The following ANKRD16 variants were observed in gnomAD, a reference collection of about 807,000 sequenced individuals.
ANKRD16 encodes ankyrin repeat domain 16, also known as ankyrin repeat domain-containing protein 16.
Under a neutral mutation model 37.9 loss-of-function variants are expected in ANKRD16, and 35 were observed. The ratio of observed to expected loss-of-function variants is 0.92; its 90% CI spans 0.71 to 1.23. ANKRD16 has a LOEUF of 1.23. Ranked by LOEUF, ANKRD16 falls within the 50% of genes most tolerant of loss-of-function variation. The pLI is 0.00. For synonymous variants in ANKRD16, 206 were observed against 197.2 expected (o/e 1.04, Z -0.37); for missense variants, 480 against 469.9 (o/e 1.02, Z -0.20).
At chr10:5,873,616 G>GACA (rs1366391624) in intron 7 of ANKRD16, among the ~76,000 whole-genome samples, 1 of 152,102 alleles carries the variant, frequency 6.6e-6, no homozygotes, top group Admixed American at 6.6e-5. Flanking sequence ...GATTAAAAGG[G>GACA]ACATTTTTCT....
At chr10:5,872,848 G>T (rs61832917) in intron 7 of ANKRD16, among the ~76,000 whole-genome samples, 3 of 148,096 alleles carry the variant, frequency 2.0e-5, no homozygotes, top group Non-Finnish European at 3.0e-5. Context: ...GAGCCACCGC[G>T]CCCGGCCCTG....
Position 5,889,115 on chromosome 10 carries a change from G to A in ANKRD16, c.240C>T (p.Ser80=), listed in dbSNP as rs745947104. ...DYKRPLHEAA[S]MGHRDCVRYL... ...AGCGCACGCAGTCTCGGTGGCCCAT[G>A]GAGGCCGCCTCGTGCAGAGGCCGCT... The change falls in exon 1 of 8, where the codon TCC becomes TCT. Residue 80 remains serine, a synonymous_variant. Coordinates refer to ENST00000380094, the MANE Select transcript of ANKRD16 (RefSeq NM_019046.3). The A allele has an allele frequency of 1.3e-6, 2 of 1,595,776 alleles. No individual in the cohort carries two copies. The highest frequency in any genetic ancestry group is 1.7e-6 in the Non-Finnish European group (2 of 1,177,840).
intron 5 of ANKRD16, 101 bp downstream of exon 5, chr10:5,882,905 C>T: frequency 7.7e-7 from 1 of 1,299,114 alleles, no homozygotes; most frequent in Non-Finnish European, 1.0e-6. Flanking sequence ...GCAATTTCTT[C>T]CATAGAGATG....
rs947786940 is a variant in ANKRD16, at chr10:5,889,616, A to G, written c.-262T>C. 34 of 214,242 alleles carry G rather than the reference A, an allele frequency of 1.6e-4. No individual in the cohort carries two copies. Among genetic ancestry groups the G allele is most frequent in the Non-Finnish European group, 2.7e-4 (30 of 109,868 alleles). 13.3% of individuals were successfully genotyped at this position (214,242 alleles called of 1,614,324 possible). A position where few individuals can be genotyped will look rare whatever the true frequency, so the allele number is the denominator to read the frequency against. ...CGTGGGAGAAGCCGCGGTTCCGGGCACGGGGCGGTTTTTCCTCAGGGACGG... is the reference window on the plus strand; with the variant it reads ...CGTGGGAGAAGCCGCGGTTCCGGGCGCGGGGCGGTTTTTCCTCAGGGACGG... On this transcript the variant is annotated 5_prime_UTR_variant, in exon 1 of 8. Coordinates refer to ENST00000380094, the MANE Select transcript of ANKRD16 (RefSeq NM_019046.3).
chr10:5,881,464 A>ATATATATATATATATATC (rs1842313635), intron 5 of ANKRD16, among the ~76,000 whole-genome samples: 1 of 131,690 alleles, frequency 7.6e-6, no homozygotes, highest in East Asian at 2.6e-4. Context: ...ATATATATAT[A>ATATATATATATATATATC]TATATATATA....
chr10:5,888,216 C>T, intron 1 of ANKRD16, 149 bp from the exon 2 acceptor site: 1 of 681,354 alleles, frequency 1.5e-6, no homozygotes. Flanking sequence ...CTTTGACCGG[C>T]AACCTCTGTG....
At chr10:5,873,668 A>C (rs911361800) in intron 7 of ANKRD16, among the ~76,000 whole-genome samples, 1 of 152,114 alleles carries the variant, frequency 6.6e-6, no homozygotes, top group Non-Finnish European at 1.5e-5. Flanking sequence ...GTCCTGGGTT[A>C]AATTAAATTC....
chr10:5,867,618 C>A (rs1192349486), intron 7 of ANKRD16, among the ~76,000 whole-genome samples: 1 of 152,130 alleles, frequency 6.6e-6, no homozygotes, highest in South Asian at 2.1e-4. Context: ...TTATCCTAAC[C>A]TCTAATCTTA....
Position 5,884,022 on chromosome 10 carries a change from C to A in ANKRD16, c.634G>T (p.Ala212Ser). The A allele has an allele frequency of 6.2e-7, 1 of 1,614,126 alleles. No individual in the cohort carries two copies. Among genetic ancestry groups the A allele is most frequent in the South Asian group, 1.1e-5 (1 of 91,084 alleles). Residue 212 changes from alanine to serine, a missense_variant, in exon 4 of 8, where the codon GCA (alanine) becomes TCA (serine). By Grantham distance (99) the Ala-to-Ser change is moderately conservative. Coordinates refer to ENST00000380094, the MANE Select transcript of ANKRD16 (RefSeq NM_019046.3). ...ACGTCGATGTGCCCACACTGGATTG[C>A]GTCCATCAAGGCGGTGACGCCACAG... ...DNCGVTALMD[A>S]IQCGHIDVAR...
Position 5,876,327 on chromosome 10 carries a change from C to G in ANKRD16, c.*33+1770G>C, listed in dbSNP as rs1256853149. On this transcript the variant is annotated intron_variant, in intron 7 of 7. Coordinates refer to ENST00000380094, the MANE Select transcript of ANKRD16 (RefSeq NM_019046.3). ...ACAGTGTAACATGCTGTGTCATCAT[C>G]ATCAGCTGGTTTGTAAGGGCAGAAG... Among the ~76,000 whole-genome samples, 3 of 152,212 alleles carry G rather than the reference C, an allele frequency of 2.0e-5. No homozygotes were observed. In the East Asian group the frequency reaches 5.8e-4, roughly 29 times the overall value.
Position 5,866,722 on chromosome 10 carries a change from C to T in ANKRD16, c.*34-4031G>A, listed in dbSNP as rs11524382. Reference sequence around the variant, plus strand: ...GGGGAAGGAGAGGGGAGAACAGCAGCGTAAGTGGCTGGCAGAGGCAGGGAA... The same window carrying T: ...GGGGAAGGAGAGGGGAGAACAGCAGTGTAAGTGGCTGGCAGAGGCAGGGAA... On this transcript the variant is annotated intron_variant, in intron 7 of 7. Coordinates refer to ENST00000380094, the MANE Select transcript of ANKRD16 (RefSeq NM_019046.3). The surrounding 1 kb of genome is among the most constrained non-coding windows in gnomAD (Gnocchi z 4.3). 0.42 allele frequency among the ~76,000 whole-genome samples: 63,120 copies of T among 151,820 alleles called. 13,662 individuals are homozygous for T. Among genetic ancestry groups the T allele is most frequent in the African/African-American group, 0.47 (19,524 of 41,384 alleles).
chr10:5,889,406 G>A lies in ANKRD16; in HGVS notation c.-52C>T. On this transcript the variant is annotated 5_prime_UTR_variant, in exon 1 of 8. Transcript: ENST00000380094. ...GGGAGGCGGCGGGCGGGACACCGGC[G>A]GCCGGGCAGGGAGAAGCCGAGGGCG... 1 of 1,144,868 alleles carries A rather than the reference G, an allele frequency of 8.7e-7. No homozygotes were observed. Among genetic ancestry groups the A allele is most frequent in the Non-Finnish European group, 1.1e-6 (1 of 928,800 alleles). 70.9% of individuals were successfully genotyped at this position (1,144,868 alleles called of 1,614,324 possible).
intron 7 of ANKRD16, among the ~76,000 whole-genome samples, chr10:5,867,539 T>G (rs1374890845): frequency 1.3e-5 from 2 of 152,134 alleles, no homozygotes; most frequent in African/African-American, 4.8e-5. Flanking sequence ...CAAAGAAAAA[T>G]TAAAATCCCA....
intron 3 of ANKRD16, 102 bp downstream of exon 3, chr10:5,885,621 A>ATTTTTTTT: frequency 7.7e-7 from 1 of 1,301,548 alleles, no homozygotes; most frequent in Non-Finnish European, 1.1e-6. Flanking sequence ...TGAAAGCCTA[A>ATTTTTTTT]TTTTTTTCTT....
intron 5 of ANKRD16, among the ~76,000 whole-genome samples, chr10:5,881,432 T>C (rs1441022030): frequency 2.6e-5 from 2 of 76,462 alleles, no homozygotes; most frequent in African/African-American, 4.7e-5. Context: ...AAAATAAAAA[T>C]ATTATTTATA....
At chr10:5,885,434 G>A (rs1399020111) in intron 3 of ANKRD16, among the ~76,000 whole-genome samples, 2 of 151,954 alleles carry the variant, frequency 1.3e-5, no homozygotes, top group South Asian at 2.1e-4. Context: ...CGCCCGCCTC[G>A]GCCTCGCAAA....
In ANKRD16 at chr10:5,862,192, C is replaced by G. The variant is rs1232581622; in HGVS notation, c.*533G>C. ...TGCTGGGATTACAGGCATGAGCCACCGCAACCGGCCCCCAGGAATTCTTTA... is the reference window on the plus strand; with the variant it reads ...TGCTGGGATTACAGGCATGAGCCACGGCAACCGGCCCCCAGGAATTCTTTA... On this transcript the variant is annotated 3_prime_UTR_variant, in exon 8 of 8. Coordinates refer to ENST00000380094, the MANE Select transcript of ANKRD16 (RefSeq NM_019046.3). This position sits in a 1 kb window ranked among gnomAD's most constrained non-coding sequence, Gnocchi z 6.5. The G allele has an allele frequency of 3.9e-6, 1 of 259,114 alleles. No individual in the cohort carries two copies. The highest frequency in any genetic ancestry group is 7.7e-6 in the Non-Finnish European group (1 of 129,672). The allele number at this position is 259,114 out of a possible 1,614,324, so 16.1% of individuals were successfully genotyped here.
rs1012676436 is a variant in ANKRD16 at position 5,864,112 on chromosome 10, T to A, written c.*34-1421A>T. Among the ~76,000 whole-genome samples, 1 of 152,136 alleles carries A rather than the reference T, an allele frequency of 6.6e-6. No homozygotes were observed. Among genetic ancestry groups the A allele is most frequent in the Non-Finnish European group, 1.5e-5 (1 of 68,032 alleles). On this transcript the variant is annotated intron_variant, in intron 7 of 7. Coordinates refer to ENST00000380094, the MANE Select transcript of ANKRD16 (RefSeq NM_019046.3). This position sits in a 1 kb window ranked among gnomAD's most constrained non-coding sequence, Gnocchi z 4.4. The stretch of plus-strand genomic sequence containing the variant: ...AATACTATCCTGCAGCTTGACCTTT[T>A]CTGTAAGGGAGAAGGCAAATGGAGT...
chr10:5,877,856 C>T (rs571806657), intron 7 of ANKRD16, among the ~76,000 whole-genome samples: 1 of 152,310 alleles, frequency 6.6e-6, no homozygotes, highest in Admixed American at 6.5e-5. Flanking sequence ...CAAACGTTAT[C>T]TATTCTACTT....
Sources: allele counts gnomAD v4.1 joint callset (sites outside exome capture counted in the v4.1 genomes callset), GRCh38; gene constraint gnomAD v4.1.1; non-coding constraint Gnocchi (gnomAD v3.1); transcripts MANE v1.5; gene names NCBI Gene and HGNC (gene_info 2026-07-23, HGNC 2026-07-21).